Variants in OR51B5 observed in about 807,000 individuals in gnomAD.
OR51B5 encodes olfactory receptor 51B5.
For synonymous variants in OR51B5, 186 were observed against 144.8 expected (o/e 1.28, Z -2.04); for missense variants, 456 against 374.6 (o/e 1.22, Z -1.79).
upstream of OR51B5, among the ~76,000 whole-genome samples, chr11:5,347,905 GAA>G (rs1462944206): frequency 1.3e-5 from 2 of 152,136 alleles, no homozygotes; most frequent in African/African-American, 4.8e-5. Flanking sequence ...TGCAGATTCT[GAA>G]AAGATGATGC....
At chr11:5,349,429 T>C (rs75221481) in intron 1 of OR51B5, among the ~76,000 whole-genome samples, 5,459 of 152,158 alleles carry the variant, frequency 0.036, 131 homozygotes, top group Non-Finnish European at 0.056. Flanking sequence ...ATCAATTATA[T>C]GTTTATTTAG....
intron 1 of OR51B5, among the ~76,000 whole-genome samples, chr11:5,424,583 G>GGACCAACA (rs912064097): frequency 2.0e-5 from 3 of 151,958 alleles, no homozygotes; most frequent in Non-Finnish European, 1.5e-5. Flanking sequence ...GCTTCATCCA[G>GGACCAACA]GACCAACAGT....
At chr11:5,343,304 G>T (rs1848933878) in exon 1 of OR51B5, 4 of 1,610,550 alleles carry the variant, frequency 2.5e-6, no homozygotes, top group South Asian at 2.2e-5. Flanking sequence ...GGGCATTGTG[G>T]TCAGGGCCAG....
At chr11:5,384,210 T>C (rs1296588686) in intron 1 of OR51B5, among the ~76,000 whole-genome samples, 1 of 152,194 alleles carries the variant, frequency 6.6e-6, no homozygotes, top group African/African-American at 2.4e-5. Flanking sequence ...GGTCTAGCTC[T>C]GTTACCCAGG....
intron 1 of OR51B5, among the ~76,000 whole-genome samples, chr11:5,427,500 A>AGAT (rs1288585209): frequency 6.6e-6 from 1 of 152,240 alleles, no homozygotes; most frequent in Non-Finnish European, 1.5e-5. Flanking sequence ...AGCCTAATAT[A>AGAT]GATGCAGATA....
chr11:5,343,267 A>G, exon 1 of OR51B5: 1 of 1,613,302 alleles, frequency 6.2e-7, no homozygotes, highest in Non-Finnish European at 8.5e-7. Flanking sequence ...TCTCCCTGTG[A>G]TCCAGCCAGA....
intron 1 of OR51B5, chr11:5,393,215 T>C (rs991642983): frequency 6.6e-6 from 1 of 152,246 alleles, no homozygotes; most frequent in African/African-American, 2.4e-5. Context: ...TGTGTTGAAC[T>C]ATTTAATAAG....
rs770824935 is a variant in OR51B5 at position 5,489,156 on chromosome 11, T to C, written n.84+16413A>G. The C allele has an allele frequency of 2.7e-5, 43 of 1,613,896 alleles. No individual in the cohort carries two copies. The South Asian group carries it at 4.7e-4, about 18-fold the overall frequency. ...CTGTCATAGGCAGAATTGGCTTTGT[T>C]GGGCTATTCCGTAGTGTGGCTATTG... On this transcript the variant is annotated intron_variant and non_coding_transcript_variant, in intron 1 of 4. Transcript: ENST00000415970.
chr11:5,490,199 T>A (rs1851561949), intron 1 of OR51B5, among the ~76,000 whole-genome samples: 1 of 152,226 alleles, frequency 6.6e-6, no homozygotes, highest in South Asian at 2.1e-4. Flanking sequence ...AAATAACATC[T>A]AACTTTGAAT....
intron 1 of OR51B5, among the ~76,000 whole-genome samples, chr11:5,417,737 C>T (rs1223638235): frequency 6.6e-6 from 1 of 150,832 alleles, no homozygotes; most frequent in African/African-American, 2.4e-5. Flanking sequence ...TCATCTCACA[C>T]CAGTTAGAAT....
intron 1 of OR51B5, among the ~76,000 whole-genome samples, chr11:5,373,669 G>A (rs183314233): frequency 6.6e-6 from 1 of 152,204 alleles, no homozygotes; most frequent in Non-Finnish European, 1.5e-5. Flanking sequence ...GGCGCACCAG[G>A]AGATTATATC....
intron 1 of OR51B5, among the ~76,000 whole-genome samples, chr11:5,427,914 C>T (rs1325658201): frequency 1.3e-5 from 2 of 151,928 alleles, no homozygotes; most frequent in Admixed American, 6.6e-5. Flanking sequence ...TATAAATATA[C>T]AGTGCATGGT....
intron 1 of OR51B5, chr11:5,505,536 A>C: frequency 8.6e-7 from 1 of 1,164,462 alleles, no homozygotes. Flanking sequence ...GAGACTGGGC[A>C]ATTTATAAAA....
At chr11:5,381,025 C>T (rs1168947750) in intron 1 of OR51B5, among the ~76,000 whole-genome samples, 4 of 152,116 alleles carry the variant, frequency 2.6e-5, no homozygotes, top group Non-Finnish European at 4.4e-5. Flanking sequence ...CCAAGCCTGG[C>T]TCAGTGGGCT....
intron 1 of OR51B5, among the ~76,000 whole-genome samples, chr11:5,451,523 G>A (rs1850848340): frequency 6.6e-6 from 1 of 152,176 alleles, no homozygotes; most frequent in Non-Finnish European, 1.5e-5. Flanking sequence ...AAGACCAGAA[G>A]GGACATATTC....
chr11:5,390,166 T>G (rs781232963), intron 1 of OR51B5: 2 of 1,613,924 alleles, frequency 1.2e-6, no homozygotes, highest in East Asian at 4.5e-5. Context: ...GCACCGCTCC[T>G]CTCTGTGCTG....
At chr11:5,429,297 C>T (rs979995161) in intron 1 of OR51B5, among the ~76,000 whole-genome samples, 3 of 152,062 alleles carry the variant, frequency 2.0e-5, no homozygotes, top group Admixed American at 6.6e-5. Flanking sequence ...AATTCTTCAC[C>T]GCAATACCAG....
intron 1 of OR51B5, chr11:5,441,544 C>T (rs1235425981): frequency 6.5e-7 from 1 of 1,536,996 alleles, no homozygotes; most frequent in South Asian, 1.1e-5. Context: ...GGAATGGACC[C>T]AAGAGGGTGT....
chr11:5,473,477 T>C (rs1842965341), intron 1 of OR51B5, among the ~76,000 whole-genome samples: 1 of 152,228 alleles, frequency 6.6e-6, no homozygotes, highest in African/African-American at 2.4e-5. Context: ...TAGATAATTA[T>C]AATTATCCTG....
Sources: allele counts gnomAD v4.1 joint callset (sites outside exome capture counted in the v4.1 genomes callset), GRCh38; gene constraint gnomAD v4.1.1; transcripts MANE v1.5; gene names NCBI Gene and HGNC (gene_info 2026-07-23, HGNC 2026-07-21).